DPP10: variants seen among roughly 807,000 people sequenced by gnomAD.
DPP10 encodes dipeptidyl peptidase like 10, also known as inactive dipeptidyl peptidase 10.
In DPP10, 33 loss-of-function variants were observed where a neutral mutation model predicts 120.9. The ratio of observed to expected loss-of-function variants is 0.27; its 90% CI spans 0.21 to 0.37. The LOEUF is 0.37. Ranked by LOEUF, DPP10 falls within the 10% of genes least tolerant of loss-of-function variation. DPP10 has a pLI of 1.00. For synonymous variants in DPP10, 337 were observed against 326.1 expected (o/e 1.03, Z -0.36); for missense variants, 816 against 942.8 (o/e 0.87, Z 1.76).
At chr2:114,864,558 C>G (rs1168480762) in intron 1 of DPP10, among the ~76,000 whole-genome samples, 1 of 152,124 alleles carries the variant, frequency 6.6e-6, no homozygotes, top group African/African-American at 2.4e-5. Flanking sequence ...AGAAAGGGAA[C>G]TCATCTCTGT....
At chr2:115,476,039 A>C (rs2075054432) in intron 3 of DPP10, among the ~76,000 whole-genome samples, 1 of 151,942 alleles carries the variant, frequency 6.6e-6, no homozygotes, top group South Asian at 2.1e-4. Context: ...ACTCGGGGGG[A>C]CTCTTGAGAA....
At chr2:114,610,723 CAAG>C (rs1176756050) in intron 1 of DPP10, among the ~76,000 whole-genome samples, 4 of 152,100 alleles carry the variant, frequency 2.6e-5, no homozygotes, top group Non-Finnish European at 5.9e-5. Context: ...AACAAACAAA[CAAG>C]AAATATTTTC....
intron 1 of DPP10, among the ~76,000 whole-genome samples, chr2:114,927,199 G>A (rs905182788): frequency 2.0e-5 from 3 of 152,036 alleles, no homozygotes; most frequent in African/African-American, 7.2e-5. Flanking sequence ...GGGAGTACAT[G>A]GATGCAACAC....
chr2:114,704,432 C>G (rs1217718242), intron 1 of DPP10, among the ~76,000 whole-genome samples: 1 of 152,006 alleles, frequency 6.6e-6, no homozygotes, highest in Non-Finnish European at 1.5e-5. Flanking sequence ...AGATACTAGC[C>G]TATTCTGCTA....
intron 1 of DPP10, among the ~76,000 whole-genome samples, chr2:115,292,677 C>T (rs1450741160): frequency 6.6e-6 from 1 of 152,116 alleles, no homozygotes; most frequent in Admixed American, 6.6e-5. Context: ...CAGTACATCA[C>T]AAGTATAGCC....
chr2:114,641,967 A>G (rs1297400589), intron 1 of DPP10, among the ~76,000 whole-genome samples: 2 of 151,860 alleles, frequency 1.3e-5, no homozygotes, highest in Non-Finnish European at 2.9e-5. Context: ...AAATCACTCA[A>G]TGCATCATTC....
intron 1 of DPP10, among the ~76,000 whole-genome samples, chr2:114,754,595 C>A (rs1352551060): frequency 6.6e-6 from 1 of 152,120 alleles, no homozygotes; most frequent in Non-Finnish European, 1.5e-5. Context: ...AAAGCTCTAC[C>A]TTTTATCAAT....
intron 1 of DPP10, among the ~76,000 whole-genome samples, chr2:114,663,894 C>G (rs1242603201): frequency 6.7e-6 from 1 of 150,180 alleles, no homozygotes; most frequent in Non-Finnish European, 1.5e-5. Flanking sequence ...GAACATCACC[C>G]TTAACATAAT....
At chr2:115,286,285 C>G (rs2060367340) in intron 1 of DPP10, among the ~76,000 whole-genome samples, 1 of 150,900 alleles carries the variant, frequency 6.6e-6, no homozygotes, top group Admixed American at 6.6e-5. Flanking sequence ...ATAAGAAAAA[C>G]TGGATTTAAT....
At chr2:114,970,738 C>T (rs1445863964) in intron 1 of DPP10, among the ~76,000 whole-genome samples, 2 of 152,150 alleles carry the variant, frequency 1.3e-5, no homozygotes, top group South Asian at 4.1e-4. Flanking sequence ...TTTAACAATA[C>T]AGTTGTACAA....
At chr2:115,350,263 C>T (rs567523680) in intron 3 of DPP10, among the ~76,000 whole-genome samples, 77 of 152,014 alleles carry the variant, frequency 5.1e-4, no homozygotes, top group Middle Eastern at 6.9e-3. Context: ...ATAGTGTATT[C>T]ACAATTGCAT....
chr2:114,628,079 A>G (rs1412098306), intron 1 of DPP10, among the ~76,000 whole-genome samples: 1 of 152,138 alleles, frequency 6.6e-6, no homozygotes, highest in Non-Finnish European at 1.5e-5. Flanking sequence ...ACTTTCAAAA[A>G]TTTCTATCAG....
chr2:114,723,367 C>T (rs1364365895), intron 1 of DPP10, among the ~76,000 whole-genome samples: 1 of 152,150 alleles, frequency 6.6e-6, no homozygotes, highest in East Asian at 1.9e-4. Context: ...GAGACAGGCT[C>T]CAGCAAGGAG....
intron 1 of DPP10, among the ~76,000 whole-genome samples, chr2:114,541,214 G>A (rs535208594): frequency 8.5e-5 from 13 of 152,230 alleles, no homozygotes; most frequent in African/African-American, 2.9e-4. Context: ...CTCTTCTAAA[G>A]TTCAGATATA....
intron 3 of DPP10, among the ~76,000 whole-genome samples, chr2:115,414,014 G>A (rs901261987): frequency 6.6e-6 from 1 of 152,072 alleles, no homozygotes; most frequent in Non-Finnish European, 1.5e-5. Flanking sequence ...AGTGGTTCAA[G>A]GCCTTAAAGA....
chr2:114,491,387 GC>G (rs1372436392), intron 1 of DPP10, among the ~76,000 whole-genome samples: 10 of 152,100 alleles, frequency 6.6e-5, no homozygotes. Context: ...TCTGTTCCAA[GC>G]TTTTGCTATT....
At chr2:114,623,835 T>G in intron 1 of DPP10, among the ~76,000 whole-genome samples, 1 of 152,060 alleles carries the variant, frequency 6.6e-6, no homozygotes, top group East Asian at 1.9e-4. Flanking sequence ...AATTAGTAAT[T>G]AAAATTCCTA....
At chr2:115,827,318 C>CATGTACATGTATATGTATATGTAT (rs1553518918) in intron 21 of DPP10, among the ~76,000 whole-genome samples, 40 of 137,798 alleles carry the variant, frequency 2.9e-4, no homozygotes, top group African/African-American at 9.0e-4. Context: ...TACACATGTA[C>CATGTACATGTATATGTATATGTAT]ATGTATATGT....
chr2:115,085,271 T>C (rs1022931058), intron 1 of DPP10, among the ~76,000 whole-genome samples: 6 of 152,212 alleles, frequency 3.9e-5, no homozygotes, highest in African/African-American at 1.4e-4. Flanking sequence ...CCTTCCCATA[T>C]CTTTTTCTTC....
Sources: allele counts gnomAD v4.1 joint callset (sites outside exome capture counted in the v4.1 genomes callset), GRCh38; gene constraint gnomAD v4.1.1; transcripts MANE v1.5; gene names NCBI Gene and HGNC (gene_info 2026-07-23, HGNC 2026-07-21).